The following SYT14 variants were observed in gnomAD, a reference collection of about 807,000 sequenced individuals.
The protein encoded by SYT14 is synaptotagmin 14, also known as synaptotagmin-14.
In SYT14, 32 loss-of-function variants were observed where a neutral mutation model predicts 74.2. The observed-to-expected ratio is 0.43, with a 90% confidence interval of 0.33 to 0.58. SYT14 has a LOEUF of 0.58. SYT14 is among the 20% of genes least tolerant of loss of function. SYT14 has a pLI of 0.05. For synonymous variants in SYT14, 298 were observed against 337.7 expected, an observed-to-expected ratio of 0.88 and a Z score of 1.29; for missense variants, 791 against 981.8, an observed-to-expected ratio of 0.81 and a Z score of 2.60.
chr1:210,000,467 C>CAA (rs33995073), intron 2 of SYT14, among the ~76,000 whole-genome samples: 1 of 17,504 alleles, frequency 5.7e-5, no homozygotes, highest in Non-Finnish European at 8.8e-5. Flanking sequence ...TCCTCATACG[C>CAA]ACACACACAC....
chr1:210,131,261 A>C (rs2102639779), intron 7 of SYT14, among the ~76,000 whole-genome samples: 1 of 152,230 alleles, frequency 6.6e-6, no homozygotes, highest in East Asian at 1.9e-4. Context: ...GGATAGTTTA[A>C]TTTGATTTCC....
At chr1:209,951,484 C>T (rs1306309298) in intron 1 of SYT14, among the ~76,000 whole-genome samples, 1 of 152,116 alleles carries the variant, frequency 6.6e-6, no homozygotes, top group African/African-American at 2.4e-5. Flanking sequence ...TTTTAGACTG[C>T]ATAGTATTCC....
chr1:209,971,532 G>A (rs1390174194), intron 2 of SYT14, among the ~76,000 whole-genome samples: 1 of 152,048 alleles, frequency 6.6e-6, no homozygotes, highest in African/African-American at 2.4e-5. Flanking sequence ...GTCATAGATG[G>A]GTCTTATTAT....
At chr1:210,038,266 G>A (rs2080712288) in intron 5 of SYT14, among the ~76,000 whole-genome samples, 1 of 151,990 alleles carries the variant, frequency 6.6e-6, no homozygotes, top group African/African-American at 2.4e-5. Context: ...CATTTGAATG[G>A]AGTATCTTTT....
intron 5 of SYT14, among the ~76,000 whole-genome samples, chr1:210,063,609 G>GT (rs2081244754): frequency 6.6e-6 from 1 of 151,754 alleles, no homozygotes; most frequent in Non-Finnish European, 1.5e-5. Flanking sequence ...CCGTTGTGAA[G>GT]TTTTTTGATG....
intron 2 of SYT14, among the ~76,000 whole-genome samples, chr1:209,971,393 T>A (rs2079253711): frequency 6.6e-6 from 1 of 152,222 alleles, no homozygotes; most frequent in Non-Finnish European, 1.5e-5. Flanking sequence ...CTTGCCTGAT[T>A]GCTCTAGGTA....
exon 10 of SYT14, chr1:210,168,544 A>T (rs1017752018): frequency 6.6e-6 from 1 of 152,246 alleles, no homozygotes; most frequent in African/African-American, 2.4e-5. Flanking sequence ...ATACTCCGTT[A>T]TATACTGAAA....
chr1:210,146,975 G>GA (rs1213984880), intron 7 of SYT14, among the ~76,000 whole-genome samples: 1 of 151,678 alleles, frequency 6.6e-6, no homozygotes, highest in Non-Finnish European at 1.5e-5. Flanking sequence ...AATTCCCACA[G>GA]AAAAAAATAA....
rs538769948 is a variant in SYT14 at position 209,987,862 on chromosome 1, A to C, written c.-485-25771A>C. 2.0e-5 allele frequency among the ~76,000 whole-genome samples: 3 copies of C among 152,236 alleles called. No individual in the cohort carries two copies. In the South Asian group the frequency reaches 6.2e-4, roughly 32 times the overall value. On this transcript the variant is annotated intron_variant, in intron 2 of 9. Transcript: ENST00000637265. ...CCTTACCTCTTTTCTTTTGTAGATA[A>C]TGTGTAATTTTTCTGACTACTTCTG...
At chr1:210,066,176 G>T (rs1330896300) in intron 5 of SYT14, among the ~76,000 whole-genome samples, 14 of 151,862 alleles carry the variant, frequency 9.2e-5, no homozygotes, top group Non-Finnish European at 1.9e-4. Flanking sequence ...GAATAGTGCC[G>T]CAATAAATAT....
exon 10 of SYT14, chr1:210,166,952 T>A (rs961873741): frequency 2.0e-5 from 3 of 152,288 alleles, no homozygotes; most frequent in East Asian, 1.9e-4. Context: ...ATGAAAAAAA[T>A]TAATATTTAA....
intron 2 of SYT14, among the ~76,000 whole-genome samples, chr1:209,965,673 T>C (rs1286750271): frequency 6.6e-6 from 1 of 152,168 alleles, no homozygotes; most frequent in Non-Finnish European, 1.5e-5. Flanking sequence ...TACAGTCCCA[T>C]CAACAGTCCG....
At chr1:209,990,545 ATATG>A (rs1398622871) in intron 2 of SYT14, among the ~76,000 whole-genome samples, 1 of 8,638 alleles carries the variant, frequency 1.2e-4, no homozygotes, top group African/African-American at 4.5e-4. Flanking sequence ...ATACGTATAT[ATATG>A]TATATATATA....
chr1:210,068,076 T>C (rs1444992660), intron 5 of SYT14, among the ~76,000 whole-genome samples: 2 of 151,946 alleles, frequency 1.3e-5, no homozygotes, highest in African/African-American at 4.8e-5. Context: ...GCTCTGGTTA[T>C]TTGGAAGATA....
At chr1:210,110,592 A>C (rs901113895) in intron 7 of SYT14, among the ~76,000 whole-genome samples, 1 of 152,184 alleles carries the variant, frequency 6.6e-6, no homozygotes, top group African/African-American at 2.4e-5. Flanking sequence ...GCAAAGATTA[A>C]AGTTCTAGAA....
intron 7 of SYT14, among the ~76,000 whole-genome samples, chr1:210,109,810 C>T (rs190460557): frequency 2.5e-4 from 38 of 152,200 alleles, no homozygotes; most frequent in Non-Finnish European, 2.1e-4. Flanking sequence ...TATAGAGACA[C>T]GTACACATGT....
chr1:210,134,689 C>T (rs2082745824), intron 7 of SYT14, among the ~76,000 whole-genome samples: 1 of 152,156 alleles, frequency 6.6e-6, no homozygotes, highest in East Asian at 1.9e-4. Context: ...TGCTTTTCCT[C>T]CTCCTCCATT....
chr1:210,077,764 T>C (rs1360085327), intron 5 of SYT14, among the ~76,000 whole-genome samples: 1 of 152,210 alleles, frequency 6.6e-6, no homozygotes, highest in Non-Finnish European at 1.5e-5. Context: ...GTCTATATTC[T>C]TATCATAGAT....
At chr1:210,092,949 T>C (rs183750668) in intron 5 of SYT14, among the ~76,000 whole-genome samples, 4 of 152,312 alleles carry the variant, frequency 2.6e-5, no homozygotes, top group Non-Finnish European at 5.9e-5. Flanking sequence ...AGGATGTACT[T>C]AGGTTATATG....
Sources: gnomAD v4.1 joint callset for allele counts (sites outside exome capture counted in the v4.1 genomes callset) on GRCh38, gnomAD v4.1.1 for gene constraint, MANE v1.5 for transcripts, NCBI Gene and HGNC (gene_info 2026-07-23, HGNC 2026-07-21) for gene names.